Variants in COPS2 observed in about 807,000 individuals in gnomAD.
COPS2 encodes COP9 signalosome complex subunit 2.
COPS2 carries 10 observed loss-of-function variants against 66.1 expected under a neutral mutation model. The ratio of observed to expected loss-of-function variants is 0.15; its 90% confidence interval spans 0.09 to 0.26. COPS2 has a LOEUF of 0.26. Among genes scored for constraint, COPS2 ranks in the 10% least tolerant of loss-of-function variants. The probability of loss-of-function intolerance (pLI) is 1.00; values close to 1 mark genes in which losing one functional copy is unlikely to be tolerated. For missense variants in COPS2, 215 were observed against 513.3 expected, an observed-to-expected ratio of 0.42 and a Z score of 5.62; for synonymous variants, 179 against 171.3, an observed-to-expected ratio of 1.04 and a Z score of -0.35.
At position 49,139,610 on chromosome 15, in the gene COPS2, G is replaced by C; in HGVS notation, c.290C>G (p.Thr97Ser). The C allele has an allele frequency of 6.2e-7, 1 of 1,601,864 alleles. No homozygotes were observed. Among genetic ancestry groups the C allele is most frequent in the African/African-American group, 1.3e-5 (1 of 74,478 alleles). ...TCTTGTGACTGCACTCCGAATATAG[G>C]TCAATAGCTGCTTATATCTATTCAT... is the stretch of plus-strand genomic sequence containing the variant. The part of the protein sequence containing the change: ...EMMNRYKQLL[T>S]YIRSAVTRNY... Residue 97 changes from threonine to serine, a missense_variant, in exon 4 of 13, where the codon ACC (threonine) becomes AGC (serine). Physicochemically the swap from Thr to Ser is moderately conservative, Grantham distance 58 (BLOSUM62 1). Transcript: ENST00000388901.
Position 49,126,853 on chromosome 15 carries a change from A to G in COPS2, c.*1097T>C, listed in dbSNP as rs1566880472. On this transcript the variant is annotated 3_prime_UTR_variant, in exon 13 of 13. Transcript: ENST00000388901. Reference sequence around the variant, plus strand: ...GTAACTAAAAATAATCAAGCTTCCTAATACTATATTTTTTAAAACAATGTA... The same window carrying G: ...GTAACTAAAAATAATCAAGCTTCCTGATACTATATTTTTTAAAACAATGTA... 6.6e-6 allele frequency: 1 copy of G among 152,154 alleles called. No homozygotes were observed. The highest frequency in any genetic ancestry group is 2.4e-5 in the African/African-American group (1 of 41,452). 9.4% of individuals were successfully genotyped at this position (152,154 alleles called of 1,614,324 possible).
intron 1 of COPS2, among the ~76,000 whole-genome samples, chr15:49,152,874 T>C (rs574590890): frequency 3.9e-5 from 6 of 152,184 alleles, no homozygotes; most frequent in Non-Finnish European, 2.9e-5. Flanking sequence ...ACTGCTCATG[T>C]AGCGTAGGCC....
chr15:49,151,126 C>T (rs540558632), intron 1 of COPS2, among the ~76,000 whole-genome samples: 3 of 152,156 alleles, frequency 2.0e-5, no homozygotes, highest in Admixed American at 6.5e-5. Flanking sequence ...ATAGGCCAGG[C>T]GTGGTGGCTC....
intron 8 of COPS2, 53 bp from the exon 9 acceptor site, chr15:49,133,864 A>T (rs937319108): frequency 3.3e-4 from 504 of 1,544,328 alleles, no homozygotes; most frequent in Middle Eastern, 8.7e-4. Flanking sequence ...ACAACATTTT[A>T]AAAAAAGAAA....
intron 1 of COPS2, among the ~76,000 whole-genome samples, chr15:49,147,479 AT>A (rs2084329055): frequency 6.6e-6 from 1 of 152,164 alleles, no homozygotes; most frequent in African/African-American, 2.4e-5. Context: ...TAGGACTAGT[AT>A]TTTGGAGCTT....
chr15:49,129,298 C>G (rs2084191964), intron 11 of COPS2, among the ~76,000 whole-genome samples, 179 bp downstream of exon 11: 1 of 150,202 alleles, frequency 6.7e-6, no homozygotes, highest in Admixed American at 6.6e-5. Flanking sequence ...CAGCAAGACC[C>G]TGTCTCTTAA....
chr15:49,128,922 C>G (rs2084188601), intron 11 of COPS2, among the ~76,000 whole-genome samples, 162 bp from the exon 12 acceptor site: 1 of 152,122 alleles, frequency 6.6e-6, no homozygotes, highest in African/African-American at 2.4e-5. Context: ...TCCGAGAACA[C>G]AGGTATGATA....
At chr15:49,148,121 T>C (rs576582544) in intron 1 of COPS2, among the ~76,000 whole-genome samples, 3 of 152,322 alleles carry the variant, frequency 2.0e-5, no homozygotes, top group East Asian at 3.9e-4. Flanking sequence ...ACTCATGTTT[T>C]GAAGTCTTTG....
chr15:49,147,642 CTTA>C (rs1385422095), intron 1 of COPS2, among the ~76,000 whole-genome samples: 6 of 142,282 alleles, frequency 4.2e-5, no homozygotes, highest in African/African-American at 1.0e-4. Flanking sequence ...TCACGGAATA[CTTA>C]TAATAAGAGT....
intron 1 of COPS2, among the ~76,000 whole-genome samples, chr15:49,146,846 G>C (rs1271772785): frequency 6.6e-6 from 1 of 152,112 alleles, no homozygotes; most frequent in African/African-American, 2.4e-5. Context: ...TTAAAATCGA[G>C]AGCAAAATCA....
At position 49,124,425 on chromosome 15, in the gene COPS2, T is replaced by C. The variant is rs1170341169; in HGVS notation, c.*3525A>G. The C allele has an allele frequency of 6.7e-6, 1 of 148,490 alleles. No individual in the cohort carries two copies. The highest frequency in any genetic ancestry group is 2.5e-5 in the African/African-American group (1 of 40,418). The allele number at this position is 148,490 out of a possible 1,614,324, so 9.2% of individuals were successfully genotyped here. A position where few individuals can be genotyped will look rare whatever the true frequency, so the allele number is the denominator to read the frequency against. ...AAAAACCGTATCAAACAAATATAAA[T>C]AGGATGCTGATTTGGGGGAAAAAAA... On this transcript the variant is annotated 3_prime_UTR_variant, in exon 13 of 13. Coordinates refer to ENST00000388901, the MANE Select transcript of COPS2 (RefSeq NM_004236.4).
intron 1 of COPS2, among the ~76,000 whole-genome samples, chr15:49,145,865 T>C (rs1329705677): frequency 3.3e-5 from 5 of 152,070 alleles, no homozygotes; most frequent in Non-Finnish European, 5.9e-5. Context: ...TACACATGGA[T>C]TGGTATAATG....
chr15:49,150,022 C>T (rs558631786), intron 1 of COPS2, among the ~76,000 whole-genome samples: 45 of 152,086 alleles, frequency 3.0e-4, no homozygotes, highest in African/African-American at 9.9e-4. Context: ...CTGCTGGGCA[C>T]GGTGGCTCAT....
At chr15:49,140,500 C>A (rs2084283366) in intron 3 of COPS2, among the ~76,000 whole-genome samples, 2 of 152,052 alleles carry the variant, frequency 1.3e-5, no homozygotes, top group African/African-American at 4.8e-5. Context: ...AGAAAAGACC[C>A]CCCATCTAAG....
At position 49,124,490 on chromosome 15, in the gene COPS2, A is replaced by G. The variant is rs2084149354; in HGVS notation, c.*3460T>C. ...AAAACTAAAAGAAAACCTCCAGAAA[A>G]AGAAAAAAAGAGGAAAATTTTAATT... On this transcript the variant is annotated 3_prime_UTR_variant, in exon 13 of 13. Transcript: ENST00000388901. 6.6e-6 allele frequency: 1 copy of G among 152,126 alleles called. No homozygotes were observed. Among genetic ancestry groups the G allele is most frequent in the Middle Eastern group, 3.2e-3 (1 of 316 alleles). The allele number at this position is 152,126 out of a possible 1,614,324, so 9.4% of individuals were successfully genotyped here.
At position 49,127,052 on chromosome 15, in the gene COPS2, A is replaced by C. The variant is rs920473961; in HGVS notation, c.*898T>G. On this transcript the variant is annotated 3_prime_UTR_variant, in exon 13 of 13. Coordinates refer to ENST00000388901, the MANE Select transcript of COPS2 (RefSeq NM_004236.4). ...GTCTATGTTCTGGCATATTCGTTTA[A>C]AGTGAACATTCTGAGAGTTAGTATT... 22 of 152,148 alleles carry C rather than the reference A, an allele frequency of 1.4e-4. No homozygotes were observed. The highest frequency in any genetic ancestry group is 3.1e-4 in the Non-Finnish European group (21 of 67,988). The allele number at this position is 152,148 out of a possible 1,614,324, so 9.4% of individuals were successfully genotyped here.
intron 1 of COPS2, among the ~76,000 whole-genome samples, chr15:49,151,656 A>G (rs1340345870): frequency 6.6e-6 from 1 of 152,154 alleles, no homozygotes; most frequent in African/African-American, 2.4e-5. Flanking sequence ...CTGTAAAATT[A>G]GCATTGCATT....
chr15:49,130,851 A>G, intron 9 of COPS2, 35 bp from the exon 10 acceptor site: 1 of 1,172,628 alleles, frequency 8.5e-7, no homozygotes, highest in Non-Finnish European at 1.3e-6. Flanking sequence ...TATGTCAAAC[A>G]TGAAGAAGTT....
rs1431531000 is a variant in COPS2, at chr15:49,128,746, A to C, written c.1143T>G (p.Asp381Glu). The C allele has an allele frequency of 6.2e-7, 1 of 1,607,306 alleles. No homozygotes were observed. The highest frequency in any genetic ancestry group is 8.5e-7 in the Non-Finnish European group (1 of 1,175,292). ...IPFISKELNI[D>E]VADVESLLVQ... ...CCAGCAAGCTCTCCACATCAGCTAC[A>C]TCTATGTTTAACTCCTAAGACAAAA... The change falls in exon 12 of 13, where the codon GAT becomes GAG. Residue 381 changes from aspartate (D) to glutamate (E), a missense_variant. By Grantham distance (45) the Asp-to-Glu change is conservative. Coordinates refer to ENST00000388901, the MANE Select transcript of COPS2 (RefSeq NM_004236.4).
Sources: allele counts gnomAD v4.1 joint callset (sites outside exome capture counted in the v4.1 genomes callset), GRCh38; gene constraint gnomAD v4.1.1; transcripts MANE v1.5; gene names NCBI Gene and HGNC (gene_info 2026-07-23, HGNC 2026-07-21).